Variants in TFPI observed in about 807,000 individuals in gnomAD.
TFPI encodes the protein anti-convertin.
Under a neutral mutation model 34.6 loss-of-function variants are expected in TFPI, and 15 were observed. That is an observed-to-expected ratio of 0.43 (90% CI 0.29 to 0.67). TFPI has a LOEUF of 0.67. Among genes scored for constraint, TFPI ranks in the 30% least tolerant of loss-of-function variants. The probability of loss-of-function intolerance (pLI) is 0.15; values close to 1 mark genes in which losing one functional copy is unlikely to be tolerated. For missense variants in TFPI, 301 were observed against 364.0 expected (o/e 0.83, Z 1.41); for synonymous variants, 105 against 120.1 (o/e 0.87, Z 0.82).
intron 1 of TFPI, among the ~76,000 whole-genome samples, chr2:187,521,891 T>A (rs1245365180): frequency 6.6e-6 from 1 of 152,124 alleles, no homozygotes. Context: ...CCACACATCC[T>A]TGCCAACATG....
intron 1 of TFPI, among the ~76,000 whole-genome samples, chr2:187,508,710 T>C (rs1268124822): frequency 6.6e-6 from 1 of 152,158 alleles, no homozygotes; most frequent in Admixed American, 6.6e-5. Context: ...AGAAGACTGG[T>C]TTTTTAAATA....
chr2:187,546,585 A>AG (rs900913834), intron 1 of TFPI: 2 of 152,074 alleles, frequency 1.3e-5, no homozygotes, highest in African/African-American at 4.8e-5. Flanking sequence ...TTGGCATGAG[A>AG]GGAAAAAAAA....
rs577687770 is a variant in TFPI at position 187,506,141 on chromosome 2, C to T, written c.-2-2371G>A. 1.9e-3 allele frequency among the ~76,000 whole-genome samples: 284 copies of T among 152,064 alleles called. 1 individual carries two copies. The highest frequency in any genetic ancestry group is 6.7e-3 in the African/African-American group (277 of 41,500). On this transcript the variant is annotated intron_variant, in intron 1 of 7. Coordinates refer to ENST00000233156, the MANE Select transcript of TFPI (RefSeq NM_006287.6). Reference sequence around the variant, plus strand: ...GAATCCATGCACCAACTTCTATATACCATGCAAAATCTTTTTCCTTTTGGA... The same window carrying T: ...GAATCCATGCACCAACTTCTATATATCATGCAAAATCTTTTTCCTTTTGGA...
At position 187,482,832 on chromosome 2, in the gene TFPI, G is replaced by A. The variant is rs564134037; in HGVS notation, c.628+1292C>T. 5.1e-4 allele frequency among the ~76,000 whole-genome samples: 78 copies of A among 151,988 alleles called. No homozygotes were observed. The South Asian group carries it at 0.015, about 30-fold the overall frequency. ...TCTGGGGAGGGTGTGAAATAGGCAG[G>A]ACTAAAGGGTAAGTCATGTAGAGAA... On this transcript the variant is annotated intron_variant, in intron 6 of 7. Transcript: ENST00000233156.
intron 2 of TFPI, among the ~76,000 whole-genome samples, chr2:187,501,441 T>C (rs1190833304): frequency 6.6e-6 from 1 of 152,100 alleles, no homozygotes; most frequent in Non-Finnish European, 1.5e-5. Context: ...TAACTTACCA[T>C]CTAAGAATCC....
At chr2:187,499,350 C>T (rs895364655) in intron 2 of TFPI, among the ~76,000 whole-genome samples, 23 of 151,752 alleles carry the variant, frequency 1.5e-4, no homozygotes, top group Non-Finnish European at 1.0e-4. Flanking sequence ...TTCTAAAAAT[C>T]GAAAAATGTA....
chr2:187,466,900 A>G lies in TFPI; in HGVS notation c.*36T>C, dbSNP rs919449024. The stretch of plus-strand genomic sequence containing the variant: ...CATAGTGAAACATTTCATATAAAAT[A>G]TTTAGTAGAATTAATGTTACATTGC... On this transcript the variant is annotated 3_prime_UTR_variant, in exon 8 of 8. Coordinates refer to ENST00000233156, the MANE Select transcript of TFPI (RefSeq NM_006287.6). 2.7e-6 allele frequency: 3 copies of G among 1,125,184 alleles called. No individual in the cohort carries two copies. The highest frequency in any genetic ancestry group is 3.8e-6 in the Non-Finnish European group (3 of 780,120). The allele number at this position is 1,125,184 out of a possible 1,614,324, so 69.7% of individuals were successfully genotyped here.
intron 1 of TFPI, among the ~76,000 whole-genome samples, chr2:187,539,689 T>C (rs1688465829): frequency 6.6e-6 from 1 of 152,028 alleles, no homozygotes; most frequent in Admixed American, 6.6e-5. Flanking sequence ...AGAAAAAAAA[T>C]TGGTCCATTT....
In TFPI at chr2:187,466,719, C is replaced by A; in HGVS notation, c.*217G>T. ...GATAGATCCAGAAAATAAGTAATTTCCCAGTAGCCAGTTAATAAATTACAG... is the reference window on the plus strand; with the variant it reads ...GATAGATCCAGAAAATAAGTAATTTACCAGTAGCCAGTTAATAAATTACAG... On this transcript the variant is annotated 3_prime_UTR_variant, in exon 8 of 8. Transcript: ENST00000233156. The A allele has an allele frequency of 3.5e-6, 1 of 285,518 alleles. No individual in the cohort carries two copies. Among genetic ancestry groups the A allele is most frequent in the Non-Finnish European group, 6.7e-6 (1 of 149,170 alleles). 17.7% of individuals were successfully genotyped at this position (285,518 alleles called of 1,614,324 possible). A position where few individuals can be genotyped will look rare whatever the true frequency, so the allele number is the denominator to read the frequency against.
chr2:187,482,058 C>G (rs902623097), intron 6 of TFPI, among the ~76,000 whole-genome samples: 3 of 152,146 alleles, frequency 2.0e-5, no homozygotes, highest in Admixed American at 6.6e-5. Context: ...TTTGCCCTTT[C>G]TAACTTGGTA....
At chr2:187,513,551 A>G (rs1021884867) in intron 1 of TFPI, 2 of 152,580 alleles carry the variant, frequency 1.3e-5, no homozygotes, top group African/African-American at 4.8e-5. Context: ...AATTTCTGGT[A>G]AACCAGCTCC....
intron 1 of TFPI, among the ~76,000 whole-genome samples, chr2:187,520,301 C>T (rs1372554574): frequency 6.6e-6 from 1 of 152,122 alleles, no homozygotes; most frequent in Non-Finnish European, 1.5e-5. Context: ...ATCTCCGGGT[C>T]TGTGGGTTGT....
chr2:187,500,220 G>A (rs930191906), intron 2 of TFPI, among the ~76,000 whole-genome samples: 1 of 152,048 alleles, frequency 6.6e-6, no homozygotes, highest in Non-Finnish European at 1.5e-5. Context: ...TGCTCACTGA[G>A]TAATTACAAT....
At chr2:187,488,251 A>G in intron 4 of TFPI, 86 bp downstream of exon 4, 1 of 1,151,544 alleles carries the variant, frequency 8.7e-7, no homozygotes, top group Non-Finnish European at 1.2e-6. Flanking sequence ...AGGGACCAGA[A>G]AAAACAAACA....
intron 3 of TFPI, among the ~76,000 whole-genome samples, chr2:187,496,409 C>A (rs1685480930): frequency 1.3e-5 from 2 of 152,080 alleles, no homozygotes; most frequent in South Asian, 4.1e-4. Flanking sequence ...CTTCTGCCAA[C>A]TGAGATTACA....
Position 187,467,028 on chromosome 2 carries a change from T to C in TFPI, c.823A>G (p.Ile275Val). The change falls in exon 8 of 8, where the codon ATA (isoleucine) becomes GTA (valine). Residue 275 changes from isoleucine to valine, a missense_variant. By Grantham distance (29) the Ile-to-Val change is conservative. Transcript: ENST00000233156. Reference sequence around the variant, plus strand: ...GTTTTAATTAGGCCTCCTTTTGATATTCTTTGGATGAAACCTATAAGAGGA... The same window carrying C: ...GTTTTAATTAGGCCTCCTTTTGATACTCTTTGGATGAAACCTATAAGAGGA... ...RACKKGFIQRISKGGLIKTKR... is the reference protein window; with the variant it reads ...RACKKGFIQRVSKGGLIKTKR... The C allele has an allele frequency of 1.3e-6, 2 of 1,579,008 alleles. No individual in the cohort carries two copies.
At chr2:187,536,187 T>G (rs1688243412) in intron 1 of TFPI, among the ~76,000 whole-genome samples, 1 of 152,200 alleles carries the variant, frequency 6.6e-6, no homozygotes, top group African/African-American at 2.4e-5. Flanking sequence ...CTTCTGAAAC[T>G]ATTCCAAACA....
chr2:187,535,175 T>G (rs1688183286), intron 1 of TFPI, among the ~76,000 whole-genome samples: 1 of 152,114 alleles, frequency 6.6e-6, no homozygotes, highest in Admixed American at 6.5e-5. Context: ...ATTACACAGA[T>G]CAATGAGACA....
intron 6 of TFPI, among the ~76,000 whole-genome samples, chr2:187,471,190 C>T (rs532559151): frequency 7.9e-5 from 12 of 152,248 alleles, no homozygotes; most frequent in South Asian, 2.1e-4. Context: ...TTACCTAATA[C>T]GTAAACTAAT....
Sources: gnomAD v4.1 joint callset for allele counts (sites outside exome capture counted in the v4.1 genomes callset) on GRCh38, gnomAD v4.1.1 for gene constraint, MANE v1.5 for transcripts, NCBI Gene and HGNC (gene_info 2026-07-23, HGNC 2026-07-21) for gene names.